ROR2: variants seen among roughly 807,000 people sequenced by gnomAD.
ROR2 encodes the protein tyrosine-protein kinase transmembrane receptor ROR2.
ROR2 carries 33 observed loss-of-function variants against 74.9 expected under a neutral mutation model. The observed-to-expected ratio is 0.44, with a 90% CI of 0.33 to 0.59. The LOEUF is 0.59. ROR2 is among the 20% of genes least tolerant of loss of function. The probability of loss-of-function intolerance (pLI) is 0.02; values close to 1 mark genes in which losing one functional copy is unlikely to be tolerated. For synonymous variants in ROR2, 586 were observed against 558.7 expected (o/e 1.05, Z -0.69); for missense variants, 1,216 against 1,313.8 (o/e 0.93, Z 1.15).
rs80032728 is a variant in ROR2 at position 91,914,611 on chromosome 9, G to A, written c.97+35256C>T. Among the ~76,000 whole-genome samples, 12 of 152,272 alleles carry A rather than the reference G, an allele frequency of 7.9e-5. No individual in the cohort carries two copies. The East Asian group carries it at 2.3e-3, about 29-fold the overall frequency. Reference sequence around the variant, plus strand: ...ACACCAGCTACTGACTAAACAGTACGGCGGGGCAGGGGAGAGGCTTTTCCC... The same window carrying A: ...ACACCAGCTACTGACTAAACAGTACAGCGGGGCAGGGGAGAGGCTTTTCCC... On this transcript the variant is annotated intron_variant, in intron 1 of 8. Coordinates refer to ENST00000375708, the MANE Select transcript of ROR2 (RefSeq NM_004560.4).
intron 1 of ROR2, among the ~76,000 whole-genome samples, chr9:91,924,370 G>A: frequency 6.6e-6 from 1 of 152,252 alleles, no homozygotes; most frequent in Non-Finnish European, 1.5e-5. Context: ...GTGGTGGAGT[G>A]ACAGGCAGCT....
intron 1 of ROR2, among the ~76,000 whole-genome samples, chr9:91,836,735 T>A (rs922722074): frequency 6.6e-6 from 1 of 151,952 alleles, no homozygotes; most frequent in Non-Finnish European, 1.5e-5. Flanking sequence ...GGATCCTGCA[T>A]TGGGGCGAGT....
intron 1 of ROR2, among the ~76,000 whole-genome samples, chr9:91,817,654 G>A (rs1827987738): frequency 6.6e-6 from 1 of 152,178 alleles, no homozygotes; most frequent in African/African-American, 2.4e-5. Flanking sequence ...CCCTTCGCCT[G>A]CCAGGCACCC....
At chr9:91,894,379 A>G (rs1358401479) in intron 1 of ROR2, among the ~76,000 whole-genome samples, 1 of 152,178 alleles carries the variant, frequency 6.6e-6, no homozygotes. Flanking sequence ...TTAGATTACC[A>G]TTGAGGAGAA....
At chr9:91,822,790 C>T (rs545021753) in intron 1 of ROR2, among the ~76,000 whole-genome samples, 5 of 152,182 alleles carry the variant, frequency 3.3e-5, no homozygotes, top group Admixed American at 6.5e-5. Flanking sequence ...ACCAGGTGGT[C>T]GGATTTAGCA....
At chr9:91,755,059 G>C (rs1404338840) in intron 4 of ROR2, among the ~76,000 whole-genome samples, 4 of 152,174 alleles carry the variant, frequency 2.6e-5, no homozygotes, top group African/African-American at 9.7e-5. Flanking sequence ...GGAGGCTGAA[G>C]GGGGAGGATG....
In ROR2 at chr9:91,731,070, G is replaced by A. The variant is rs763378804; in HGVS notation, c.1023C>T (p.Ala341=). ...GGTGGTGGCTGTGGGGGTGCTGCAG[G>A]GCCCACGGCTGGCACTGGTGGCCTG... ...TKSGHQCQPW[A]LQHPHSHHLS... Residue 341 remains alanine (A), a synonymous_variant, in exon 7 of 9, where the codon GCC becomes GCT. Coordinates refer to ENST00000375708, the MANE Select transcript of ROR2 (RefSeq NM_004560.4). 2 of 1,613,990 alleles carry A rather than the reference G, an allele frequency of 1.2e-6. No individual in the cohort carries two copies. Among genetic ancestry groups the A allele is most frequent in the Non-Finnish European group, 1.7e-6 (2 of 1,180,038 alleles).
intron 2 of ROR2, among the ~76,000 whole-genome samples, chr9:91,775,275 T>C (rs545999851): frequency 8.5e-5 from 13 of 152,348 alleles, no homozygotes; most frequent in African/African-American, 2.4e-4. Flanking sequence ...ACTTGTTCTA[T>C]TGACCCTACA....
At chr9:91,839,046 CA>C (rs955321229) in intron 1 of ROR2, among the ~76,000 whole-genome samples, 6 of 152,186 alleles carry the variant, frequency 3.9e-5, no homozygotes, top group Admixed American at 3.3e-4. Flanking sequence ...AAAAAGCACA[CA>C]CTACACAACA....
chr9:91,937,529 C>G (rs1232662237), intron 1 of ROR2, among the ~76,000 whole-genome samples: 1 of 152,066 alleles, frequency 6.6e-6, no homozygotes, highest in Non-Finnish European at 1.5e-5. Context: ...CCCACCTTCT[C>G]CTCTGGTCAG....
intron 1 of ROR2, among the ~76,000 whole-genome samples, chr9:91,922,355 G>A (rs923594106): frequency 6.6e-6 from 1 of 152,152 alleles, no homozygotes; most frequent in Non-Finnish European, 1.5e-5. Flanking sequence ...AATCAACAGC[G>A]TCTTCTCTGA....
chr9:91,737,428 C>T lies in ROR2; in HGVS notation c.585G>A (p.Ser195=), dbSNP rs1564241325. 3.7e-6 allele frequency: 6 copies of T among 1,614,140 alleles called. No homozygotes were observed. The highest frequency in any genetic ancestry group is 2.2e-5 in the East Asian group (1 of 44,878). ...FIGNRTIYVD[S]LQMQGEIENR... is the part of the protein sequence containing the mutation. ...TTTCAATCTCCCCCTGCATCTGAAGCGAGTCCACATAAATGGTCCGGTTGC... is the reference window on the plus strand; with the variant it reads ...TTTCAATCTCCCCCTGCATCTGAAGTGAGTCCACATAAATGGTCCGGTTGC... Residue 195 remains serine (S), a synonymous_variant, in exon 5 of 9, where the codon TCG becomes TCA. Coordinates refer to ENST00000375708, the MANE Select transcript of ROR2 (RefSeq NM_004560.4).
chr9:91,790,424 C>A (rs1434495016), intron 1 of ROR2, among the ~76,000 whole-genome samples: 1 of 151,600 alleles, frequency 6.6e-6, no homozygotes, highest in South Asian at 2.1e-4. Context: ...GCAGAATAAT[C>A]GCTTGAACCT....
intron 1 of ROR2, among the ~76,000 whole-genome samples, chr9:91,844,520 T>C (rs1457556037): frequency 6.6e-6 from 1 of 152,190 alleles, no homozygotes; most frequent in Non-Finnish European, 1.5e-5. Context: ...AGAGAACATA[T>C]GAATTTTGGG....
At chr9:91,825,038 T>C (rs932703278) in intron 1 of ROR2, among the ~76,000 whole-genome samples, 14 of 152,234 alleles carry the variant, frequency 9.2e-5, no homozygotes, top group African/African-American at 3.4e-4. Context: ...GCTGTCAATG[T>C]TTCTTTGTGG....
intron 1 of ROR2, among the ~76,000 whole-genome samples, chr9:91,795,844 T>C (rs4743852): frequency 0.095 from 14,527 of 152,222 alleles, 1,130 homozygotes; most frequent in East Asian, 0.29. Flanking sequence ...ACCTCTGTTA[T>C]GGCAAAAATA....
chr9:91,768,166 G>A (rs1826118253), intron 2 of ROR2, among the ~76,000 whole-genome samples: 1 of 152,198 alleles, frequency 6.6e-6, no homozygotes, highest in Non-Finnish European at 1.5e-5. Flanking sequence ...AGAGCCTTCA[G>A]AAGGAACCGA....
In ROR2 at chr9:91,852,644, CA is replaced by C. The variant is rs1447629839; in HGVS notation, c.98-76827del. Among the ~76,000 whole-genome samples, 529 of 151,466 alleles carry C rather than the reference CA, an allele frequency of 3.5e-3. 6 individuals carry two copies. Among genetic ancestry groups the C allele is most frequent in the African/African-American group, 0.012 (500 of 40,990 alleles). ...ACACAAACACACACACACACACACA[CA>C]CACACCCACACACACAATGTAAGTC... On this transcript the variant is annotated intron_variant, in intron 1 of 8. Coordinates refer to ENST00000375708, the MANE Select transcript of ROR2 (RefSeq NM_004560.4).
intron 1 of ROR2, among the ~76,000 whole-genome samples, chr9:91,941,245 C>A (rs899038267): frequency 2.6e-5 from 4 of 152,130 alleles, no homozygotes; most frequent in African/African-American, 9.7e-5. Flanking sequence ...GATCCCCCCG[C>A]CTCAGCCTCC....
Sources: gnomAD v4.1 joint callset for allele counts (sites outside exome capture counted in the v4.1 genomes callset) on GRCh38, gnomAD v4.1.1 for gene constraint, MANE v1.5 for transcripts, NCBI Gene and HGNC (gene_info 2026-07-23, HGNC 2026-07-21) for gene names.